ZNF704: variants seen among roughly 807,000 people sequenced by gnomAD.
ZNF704 encodes zinc finger protein 704, also known as glucocorticoid induced gene 1.
Under a neutral mutation model 44.7 loss-of-function variants are expected in ZNF704, and 10 were observed. The observed-to-expected ratio is 0.22, with a 90% CI of 0.14 to 0.38. ZNF704 has a LOEUF of 0.38. Among genes scored for constraint, ZNF704 ranks in the 10% least tolerant of loss-of-function variants. The probability of loss-of-function intolerance (pLI) is 1.00; values close to 1 mark genes in which losing one functional copy is unlikely to be tolerated. For synonymous variants in ZNF704, 211 were observed against 207.6 expected (o/e 1.02, Z -0.14); for missense variants, 390 against 545.5 (o/e 0.71, Z 2.84).
chr8:80,692,859 C>T (rs924844420), intron 3 of ZNF704, 145 bp downstream of exon 3: 75 of 705,820 alleles, frequency 1.1e-4, no homozygotes, highest in African/African-American at 1.0e-3. Context: ...CTGGGGGCCT[C>T]GACTTCTTCC....
intron 2 of ZNF704, among the ~76,000 whole-genome samples, chr8:80,763,497 C>T (rs1460913088): frequency 6.6e-6 from 1 of 152,218 alleles, no homozygotes; most frequent in Non-Finnish European, 1.5e-5. Context: ...TTAGCCATAA[C>T]TAGAGCAACT....
intron 1 of ZNF704, among the ~76,000 whole-genome samples, chr8:80,872,800 A>T (rs1809276033): frequency 6.6e-6 from 1 of 152,152 alleles, no homozygotes; most frequent in African/African-American, 2.4e-5. Context: ...TCTCAGCAGA[A>T]ACTCACATCC....
intron 2 of ZNF704, among the ~76,000 whole-genome samples, chr8:80,747,641 T>A (rs1806868437): frequency 1.3e-5 from 2 of 152,094 alleles, no homozygotes; most frequent in African/African-American, 4.8e-5. Flanking sequence ...TATAATTGCA[T>A]CAGCAATTAT....
chr8:80,672,621 G>A (rs772413931), intron 4 of ZNF704, among the ~76,000 whole-genome samples: 9 of 152,152 alleles, frequency 5.9e-5, no homozygotes, highest in East Asian at 1.9e-4. Context: ...CAAAATGGAC[G>A]CAGCTGGAGG....
At chr8:80,792,903 G>C (rs1201372116) in intron 2 of ZNF704, among the ~76,000 whole-genome samples, 1 of 152,180 alleles carries the variant, frequency 6.6e-6, no homozygotes, top group Admixed American at 6.5e-5. Flanking sequence ...TGAAGCGGAG[G>C]ACCCAGCTAA....
the ZNF704 span, among the ~76,000 whole-genome samples, chr8:80,883,283 G>T: frequency 6.7e-6 from 1 of 150,194 alleles, no homozygotes; most frequent in Non-Finnish European, 1.5e-5. Context: ...ATATTTTAAG[G>T]ATCAAATAAT....
At position 80,821,535 on chromosome 8, in the gene ZNF704, A is replaced by G; in HGVS notation, c.60T>C (p.His20=). 1 of 1,614,046 alleles carries G rather than the reference A, an allele frequency of 6.2e-7. No homozygotes were observed. ...LKRDCGKKMS[H]QHVFSLAMEE... ...CCATGGCCAAGGAAAACACGTGTTG[A>G]TGAGACATTTTTTTACCACAGTCAC... Residue 20 remains histidine, a synonymous_variant, in exon 2 of 9, where the codon CAT becomes CAC. Transcript: ENST00000327835.
intron 2 of ZNF704, among the ~76,000 whole-genome samples, chr8:80,765,590 C>T (rs1807214420): frequency 6.6e-6 from 1 of 152,140 alleles, no homozygotes; most frequent in Non-Finnish European, 1.5e-5. Flanking sequence ...CGAAAACTCA[C>T]ACTATTTTAT....
At chr8:80,651,591 G>A (rs898253016) in intron 7 of ZNF704, among the ~76,000 whole-genome samples, 5 of 152,194 alleles carry the variant, frequency 3.3e-5, no homozygotes, top group African/African-American at 9.7e-5. Context: ...TAATGGTGAA[G>A]GGATCAATTC....
At chr8:80,854,724 G>A (rs1229911987) in intron 1 of ZNF704, among the ~76,000 whole-genome samples, 1 of 152,176 alleles carries the variant, frequency 6.6e-6, no homozygotes, top group Non-Finnish European at 1.5e-5. Context: ...GACTGGTTTT[G>A]CAAGTTAGCA....
At chr8:80,744,718 C>T (rs1192208724) in intron 2 of ZNF704, among the ~76,000 whole-genome samples, 2 of 152,164 alleles carry the variant, frequency 1.3e-5, no homozygotes, top group African/African-American at 2.4e-5. Context: ...AAATAATGTG[C>T]TTAACTAATG....
At chr8:80,811,936 C>T (rs1009339373) in intron 2 of ZNF704, among the ~76,000 whole-genome samples, 10 of 152,128 alleles carry the variant, frequency 6.6e-5, no homozygotes, top group African/African-American at 1.2e-4. Context: ...CTATTGTGAA[C>T]TGCGCATGTG....
At chr8:80,672,621 G>C (rs772413931) in intron 4 of ZNF704, among the ~76,000 whole-genome samples, 3 of 152,152 alleles carry the variant, frequency 2.0e-5, no homozygotes, top group Non-Finnish European at 4.4e-5. Context: ...CAAAATGGAC[G>C]CAGCTGGAGG....
intron 1 of ZNF704, 66 bp from the exon 2 acceptor site, chr8:80,821,681 G>A (rs1808274240): frequency 8.1e-7 from 1 of 1,227,016 alleles, no homozygotes; most frequent in Non-Finnish European, 1.2e-6. Flanking sequence ...TACTGCAGAT[G>A]GCGGTGAGGA....
intron 4 of ZNF704, among the ~76,000 whole-genome samples, chr8:80,672,872 A>G (rs1479761139): frequency 6.6e-6 from 1 of 151,978 alleles, no homozygotes. Flanking sequence ...CACGCAATAT[A>G]CCCATGTAAC....
intron 2 of ZNF704, among the ~76,000 whole-genome samples, chr8:80,726,317 C>A (rs1806480050): frequency 6.6e-6 from 1 of 151,966 alleles, no homozygotes; most frequent in Non-Finnish European, 1.5e-5. Context: ...GAATTTACGA[C>A]ATATTTAGAA....
At chr8:80,804,182 T>A (rs1807948056) in intron 2 of ZNF704, among the ~76,000 whole-genome samples, 1 of 152,152 alleles carries the variant, frequency 6.6e-6, no homozygotes, top group Non-Finnish European at 1.5e-5. Flanking sequence ...GAACAATAGA[T>A]GCTGGTGAGG....
Position 80,647,154 on chromosome 8 carries a change from A to G in ZNF704, c.1033-4025T>C, listed in dbSNP as rs141641014. Among the ~76,000 whole-genome samples the G allele has an allele frequency of 5.6e-4, 85 of 152,382 alleles. No homozygotes were observed. The East Asian group carries it at 7.5e-3, about 13-fold the overall frequency. Reference sequence around the variant, plus strand: ...CCCTCATGGAGCTTACGTTCTAGTGAGAAGACAGACAATAAATACGAAATC... The same window carrying G: ...CCCTCATGGAGCTTACGTTCTAGTGGGAAGACAGACAATAAATACGAAATC... On this transcript the variant is annotated intron_variant, in intron 7 of 8. Transcript: ENST00000327835.
intron 1 of ZNF704, among the ~76,000 whole-genome samples, chr8:80,841,926 G>C (rs1808687386): frequency 6.6e-6 from 1 of 152,112 alleles, no homozygotes; most frequent in African/African-American, 2.4e-5. Flanking sequence ...TACCTGGAAT[G>C]ACAGGCACAT....
Sources: allele counts gnomAD v4.1 joint callset (sites outside exome capture counted in the v4.1 genomes callset), GRCh38; gene constraint gnomAD v4.1.1; transcripts MANE v1.5; gene names NCBI Gene and HGNC (gene_info 2026-07-23, HGNC 2026-07-21).